Variants in ADGRB3 observed in about 807,000 individuals in gnomAD.
ADGRB3 encodes the protein adhesion G protein-coupled receptor B3.
In ADGRB3, 37 loss-of-function variants were observed where a neutral mutation model predicts 193.4. That is an observed-to-expected ratio of 0.19 (90% CI 0.15 to 0.25). The LOEUF (loss-of-function observed/expected upper bound fraction) is 0.25, where lower values mean the gene tolerates loss of function less well. ADGRB3 is among the 10% of genes least tolerant of loss of function. ADGRB3 has a pLI of 1.00. For synonymous variants in ADGRB3, 690 were observed against 644.2 expected (o/e 1.07, Z -1.08); for missense variants, 1,637 against 1,852.9 (o/e 0.88, Z 2.14).
At chr6:69,178,378 G>T (rs1198302152) in intron 17 of ADGRB3, among the ~76,000 whole-genome samples, 2 of 151,840 alleles carry the variant, frequency 1.3e-5, no homozygotes, top group Admixed American at 6.6e-5. Context: ...AATGGTTCTT[G>T]GTTTTTTTGT....
In ADGRB3 at chr6:69,325,427, C is replaced by T. The variant is rs552749845; in HGVS notation, c.2965+405C>T. Reference sequence around the variant, plus strand: ...GATTTCATTTCAAGAAATCTCAAAGCAATTAAAGAATAAAAGCGATTCATT... The same window carrying T: ...GATTTCATTTCAAGAAATCTCAAAGTAATTAAAGAATAAAAGCGATTCATT... On this transcript the variant is annotated intron_variant, in intron 21 of 31. Coordinates refer to ENST00000370598, the MANE Select transcript of ADGRB3 (RefSeq NM_001704.3). Among the ~76,000 whole-genome samples, 4 of 151,776 alleles carry T rather than the reference C, an allele frequency of 2.6e-5. No individual in the cohort carries two copies. The South Asian group carries it at 6.3e-4, about 24-fold the overall frequency.
chr6:69,156,683 T>C (rs188863766), intron 17 of ADGRB3, among the ~76,000 whole-genome samples: 9 of 152,328 alleles, frequency 5.9e-5, no homozygotes, highest in Admixed American at 1.3e-4. Context: ...GTTCCATGTA[T>C]ACAATGGATT....
chr6:69,009,578 C>T (rs1769872170), intron 11 of ADGRB3, among the ~76,000 whole-genome samples: 1 of 152,132 alleles, frequency 6.6e-6, no homozygotes. Context: ...TATGGCCTTG[C>T]AGCCATCAAC....
intron 16 of ADGRB3, among the ~76,000 whole-genome samples, chr6:69,066,371 T>C (rs941426425): frequency 2.0e-5 from 3 of 150,612 alleles, no homozygotes; most frequent in African/African-American, 7.3e-5. Context: ...TAAAATGCCA[T>C]GTGAAAAAAA....
intron 3 of ADGRB3, among the ~76,000 whole-genome samples, chr6:68,750,216 A>T (rs1766168810): frequency 6.6e-6 from 1 of 152,234 alleles, no homozygotes; most frequent in Non-Finnish European, 1.5e-5. Context: ...TTAGTATTAA[A>T]TCACAAGCTT....
At chr6:69,193,328 T>C (rs987840182) in intron 17 of ADGRB3, among the ~76,000 whole-genome samples, 6 of 152,078 alleles carry the variant, frequency 3.9e-5, no homozygotes, top group African/African-American at 1.4e-4. Flanking sequence ...AGCAAGAAAA[T>C]GATAACTAAA....
In ADGRB3 at chr6:69,317,636, C is replaced by T. The variant is rs188979610; in HGVS notation, c.2815-7236C>T. Among the ~76,000 whole-genome samples the T allele has an allele frequency of 1.2e-4, 18 of 151,526 alleles. No homozygotes were observed. The East Asian group carries it at 2.5e-3, about 21-fold the overall frequency. On this transcript the variant is annotated intron_variant, in intron 20 of 31. Coordinates refer to ENST00000370598, the MANE Select transcript of ADGRB3 (RefSeq NM_001704.3). ...TATTACAAACAACATTTCTATTACC[C>T]ACGCCCTGCCCTGCCACCCTATAAG...
chr6:69,108,575 T>C (rs1210313157), intron 17 of ADGRB3, among the ~76,000 whole-genome samples: 1 of 152,046 alleles, frequency 6.6e-6, no homozygotes, highest in Non-Finnish European at 1.5e-5. Context: ...GTGTGTGTGA[T>C]GGCAAATTGT....
At position 69,091,204 on chromosome 6, in the gene ADGRB3, G is replaced by A. The variant is rs535221920; in HGVS notation, c.2480+15166G>A. Among the ~76,000 whole-genome samples, 22 of 152,228 alleles carry A rather than the reference G, an allele frequency of 1.4e-4. No homozygotes were observed. The East Asian group carries it at 2.9e-3, about 20-fold the overall frequency. ...ACACTGTTGATGGGAGTGTAAATTC[G>A]TTCAGCCATTGTGGAAGACAGTGTG... On this transcript the variant is annotated intron_variant, in intron 17 of 31. Coordinates refer to ENST00000370598, the MANE Select transcript of ADGRB3 (RefSeq NM_001704.3).
chr6:68,744,064 G>C (rs1030410491), intron 3 of ADGRB3, among the ~76,000 whole-genome samples: 6 of 152,152 alleles, frequency 3.9e-5, no homozygotes, highest in Middle Eastern at 3.4e-3. Context: ...TGGGTAAAAG[G>C]TTTGTACATG....
chr6:69,286,806 A>G lies in ADGRB3; in HGVS notation c.2815-38066A>G, dbSNP rs77855183. On this transcript the variant is annotated intron_variant, in intron 20 of 31. Transcript: ENST00000370598. ...AAAATGAACATTCCAACTGCTAAAAAAAATAAAGTTGTAAATTCTTCACAT... is the reference window on the plus strand; with the variant it reads ...AAAATGAACATTCCAACTGCTAAAAGAAATAAAGTTGTAAATTCTTCACAT... 2.3e-3 allele frequency among the ~76,000 whole-genome samples: 348 copies of G among 152,360 alleles called. 2 individuals are homozygous for G. The highest frequency in any genetic ancestry group is 4.4e-3 in the Non-Finnish European group (302 of 68,036).
intron 20 of ADGRB3, among the ~76,000 whole-genome samples, chr6:69,317,559 G>A (rs982077235): frequency 2.6e-5 from 4 of 151,384 alleles, no homozygotes; most frequent in African/African-American, 7.3e-5. Flanking sequence ...AACTGCGTAA[G>A]CCTTCTGTTT....
At chr6:68,916,431 A>G (rs1226476332) in intron 3 of ADGRB3, among the ~76,000 whole-genome samples, 2 of 152,112 alleles carry the variant, frequency 1.3e-5, no homozygotes, top group East Asian at 3.9e-4. Flanking sequence ...CTTCCAAAGT[A>G]CTTTTCAGTT....
At position 68,672,937 on chromosome 6, in the gene ADGRB3, C is replaced by T. The variant is rs183474969; in HGVS notation, c.757+33505C>T. 4.3e-3 allele frequency among the ~76,000 whole-genome samples: 654 copies of T among 152,170 alleles called. 1 individual carries two copies. The highest frequency in any genetic ancestry group is 0.024 in the Middle Eastern group (7 of 294). ...AACTGGAGCTGCAATATCAACTCTTCCCTGCATCTTCAGACCACAGGAATG... is the reference window on the plus strand; with the variant it reads ...AACTGGAGCTGCAATATCAACTCTTTCCTGCATCTTCAGACCACAGGAATG... On this transcript the variant is annotated intron_variant, in intron 3 of 31. Coordinates refer to ENST00000370598, the MANE Select transcript of ADGRB3 (RefSeq NM_001704.3).
chr6:69,188,222 G>A (rs1050571946), intron 17 of ADGRB3, among the ~76,000 whole-genome samples: 3 of 152,042 alleles, frequency 2.0e-5, no homozygotes, highest in African/African-American at 7.2e-5. Context: ...TACCCTGATA[G>A]GGAAAAGGAC....
intron 20 of ADGRB3, among the ~76,000 whole-genome samples, chr6:69,269,065 A>T (rs1040998167): frequency 3.3e-5 from 5 of 152,140 alleles, no homozygotes; most frequent in African/African-American, 1.2e-4. Context: ...TTTTATATAA[A>T]TCATCACATT....
At chr6:69,138,119 A>G (rs938631523) in intron 17 of ADGRB3, among the ~76,000 whole-genome samples, 12 of 152,212 alleles carry the variant, frequency 7.9e-5, no homozygotes, top group Non-Finnish European at 1.5e-4. Context: ...AAACTGTATC[A>G]CACAAAACTA....
intron 17 of ADGRB3, among the ~76,000 whole-genome samples, chr6:69,201,811 C>T (rs1300056671): frequency 6.6e-6 from 1 of 152,074 alleles, no homozygotes; most frequent in African/African-American, 2.4e-5. Context: ...ATTTCAACTA[C>T]CTCCAGGATA....
chr6:68,939,393 A>T (rs1767575754), intron 5 of ADGRB3, among the ~76,000 whole-genome samples: 1 of 152,144 alleles, frequency 6.6e-6, no homozygotes, highest in Non-Finnish European at 1.5e-5. Context: ...ACAGAACTGC[A>T]TACCAATTAC....
Sources: gnomAD v4.1 joint callset for allele counts (sites outside exome capture counted in the v4.1 genomes callset) on GRCh38, gnomAD v4.1.1 for gene constraint, MANE v1.5 for transcripts, NCBI Gene and HGNC (gene_info 2026-07-23, HGNC 2026-07-21) for gene names.